GREB1: variants seen among roughly 807,000 people sequenced by gnomAD.
GREB1 encodes protein GREB1.
A neutral mutation model predicts 200.7 loss-of-function variants in GREB1; 106 were observed. The ratio of observed to expected loss-of-function variants is 0.53; its 90% CI spans 0.45 to 0.62. The LOEUF is 0.62. Ranked by LOEUF, GREB1 falls within the 20% of genes least tolerant of loss-of-function variation. GREB1 has a pLI of 0.00. For synonymous variants in GREB1, 1,132 were observed against 1,092.4 expected (o/e 1.04, Z -0.72); for missense variants, 2,243 against 2,556.8 (o/e 0.88, Z 2.65).
At chr2:11,618,120 C>G (rs887048538) in intron 21 of GREB1, among the ~76,000 whole-genome samples, 168 bp from the exon 22 acceptor site, 1 of 151,790 alleles carries the variant, frequency 6.6e-6, no homozygotes, top group African/African-American at 2.4e-5. Context: ...TGGGACGAGT[C>G]GCCCCTGAGA....
intron 1 of GREB1, among the ~76,000 whole-genome samples, chr2:11,526,681 G>A (rs189818761): frequency 5.3e-5 from 8 of 151,400 alleles, no homozygotes; most frequent in African/African-American, 1.7e-4. Flanking sequence ...TCAGCCTCTC[G>A]AGCAGCTGGG....
In GREB1 at chr2:11,610,900, C is replaced by T. The variant is rs1161072300; in HGVS notation, c.2879C>T (p.Ala960Val). The change falls in exon 18 of 33, where the codon GCG (alanine) becomes GTG (valine). Residue 960 changes from alanine (A) to valine (V), a missense_variant. Coordinates refer to ENST00000381486, the MANE Select transcript of GREB1 (RefSeq NM_014668.4). ...CTGCGGGTGCCCTGTTCGCCCCTGG[C>T]GGTGGTGGCCTATGAGCGGCTGGCC... is the stretch of plus-strand genomic sequence containing the variant. ...VLLRVPCSPL[A>V]VVAYERLAHV... is the part of the protein sequence containing the mutation. 1.2e-6 allele frequency: 2 copies of T among 1,612,846 alleles called. No homozygotes were observed. The highest frequency in any genetic ancestry group is 1.7e-5 in the Admixed American group (1 of 59,966).
At chr2:11,525,999 C>A (rs1358807053) in intron 1 of GREB1, among the ~76,000 whole-genome samples, 1 of 152,084 alleles carries the variant, frequency 6.6e-6, no homozygotes, top group Non-Finnish European at 1.5e-5. Context: ...GCTTCTAAGG[C>A]GTATTTCAGC....
rs761458400 is a variant in GREB1 at position 11,562,441 on chromosome 2, T to C, written c.158-22T>C. 3.3e-5 allele frequency: 53 copies of C among 1,610,752 alleles called. 1 individual carries two copies. In the South Asian group the frequency reaches 5.8e-4, roughly 18 times the overall value. On this transcript the variant is annotated intron_variant, in intron 2 of 32. Transcript: ENST00000381486. ...GGCCAGACAGCAGCTGCCTTGCTCA[T>C]CACTCTTCTTCCCGCATCTAGGTGG...
chr2:11,519,508 C>T (rs887030266), intron 1 of GREB1, among the ~76,000 whole-genome samples: 3 of 125,146 alleles, frequency 2.4e-5, no homozygotes, highest in East Asian at 2.5e-4. Context: ...CAGGCTGGAG[C>T]GCAATGGCAC....
intron 29 of GREB1, 112 bp downstream of exon 29, chr2:11,634,461 T>C: frequency 2.8e-6 from 2 of 724,012 alleles, no homozygotes; most frequent in Non-Finnish European, 4.7e-6. Flanking sequence ...TGACCTGGCC[T>C]TGCTCTCCGT....
intron 24 of GREB1, among the ~76,000 whole-genome samples, chr2:11,626,164 G>T (rs1026610730): frequency 4.6e-5 from 7 of 152,180 alleles, no homozygotes; most frequent in African/African-American, 1.7e-4. Flanking sequence ...TGACCCACCA[G>T]TCTCCATTTC....
At position 11,612,489 on chromosome 2, in the gene GREB1, C is replaced by A. The variant is rs1476182386; in HGVS notation, c.3007-6C>A. 1.3e-6 allele frequency: 2 copies of A among 1,594,034 alleles called. No individual in the cohort carries two copies. The highest frequency in any genetic ancestry group is 1.1e-5 in the South Asian group (1 of 90,622). ...TGTGGCTTTATTTCTTTTTCGTTATCTGCAGATGTGGCAGAAAATTGAGGA... is the reference window on the plus strand; with the variant it reads ...TGTGGCTTTATTTCTTTTTCGTTATATGCAGATGTGGCAGAAAATTGAGGA... On this transcript the variant is annotated splice_polypyrimidine_tract_variant and splice_region_variant and intron_variant, in intron 18 of 32. Transcript: ENST00000381486.
chr2:11,578,432 GT>G lies in GREB1; in HGVS notation c.772+2del. On this transcript the variant is annotated splice_donor_variant, in intron 6 of 32. Transcript: ENST00000381486. LOFTEE classifies it high-confidence loss of function. ...ATCCTGATGGGAGCTCAGCAGGCAGGTGAGGTGGTGGAGACACACCAGAGCT... is the reference window on the plus strand; with the variant it reads ...ATCCTGATGGGAGCTCAGCAGGCAGGGAGGTGGTGGAGACACACCAGAGCT... The G allele has an allele frequency of 6.2e-7, 1 of 1,613,600 alleles. No homozygotes were observed. Among genetic ancestry groups the G allele is most frequent in the Non-Finnish European group, 8.5e-7 (1 of 1,179,990 alleles).
At chr2:11,532,226 G>A (rs1674099135), upstream of GREB1, among the ~76,000 whole-genome samples, 1 of 152,146 alleles carries the variant, frequency 6.6e-6, no homozygotes, top group African/African-American at 2.4e-5. Flanking sequence ...CCCTTCATCA[G>A]TCAACACTCT....
chr2:11,530,009 G>A (rs1224084532), upstream of GREB1, among the ~76,000 whole-genome samples: 1 of 152,094 alleles, frequency 6.6e-6, no homozygotes, highest in Non-Finnish European at 1.5e-5. Context: ...TACTGAAATA[G>A]AATCTGCATT....
chr2:11,489,179 A>G (rs1394612083), intron 1 of GREB1, among the ~76,000 whole-genome samples: 1 of 152,140 alleles, frequency 6.6e-6, no homozygotes, highest in Non-Finnish European at 1.5e-5. Context: ...CCGGCCGGGC[A>G]CAGTGGCTCA....
At position 11,592,764 on chromosome 2, in the gene GREB1, A is replaced by G. The variant is rs1434732844; in HGVS notation, c.1346-12A>G. 3 of 1,483,038 alleles carry G rather than the reference A, an allele frequency of 2.0e-6. No individual in the cohort carries two copies. The highest frequency in any genetic ancestry group is 2.7e-6 in the Non-Finnish European group (3 of 1,121,616). The allele number at this position is 1,483,038 out of a possible 1,614,324, so 91.9% of individuals were successfully genotyped here. A position where few individuals can be genotyped will look rare whatever the true frequency, so the allele number is the denominator to read the frequency against. On this transcript the variant is annotated splice_polypyrimidine_tract_variant and intron_variant, in intron 10 of 32. Transcript: ENST00000381486. ...CATTTGTGGCAGGCCCTCCGCCCGC[A>G]TTGTGTTGCAGCCGCGGACCAGGTG...
chr2:11,637,652 G>A, intron 30 of GREB1, 64 bp from the exon 31 acceptor site: 1 of 1,505,836 alleles, frequency 6.6e-7, no homozygotes, highest in Non-Finnish European at 9.1e-7. Flanking sequence ...TTGCAGCCCG[G>A]AAGCCATGGG....
At chr2:11,623,720 G>A (rs1056559008) in intron 23 of GREB1, among the ~76,000 whole-genome samples, 26 of 152,138 alleles carry the variant, frequency 1.7e-4, no homozygotes, top group Non-Finnish European at 2.8e-4. Flanking sequence ...GTGAAACCTC[G>A]TCTCTACTAA....
At chr2:11,560,155 C>T (rs749882109) in intron 2 of GREB1, among the ~76,000 whole-genome samples, 10 of 152,194 alleles carry the variant, frequency 6.6e-5, no homozygotes, top group South Asian at 2.1e-4. Context: ...GATTAACCAC[C>T]TCATTTTAAA....
intron 15 of GREB1, 49 bp downstream of exon 15, chr2:11,598,909 T>A: frequency 6.8e-7 from 1 of 1,472,864 alleles, no homozygotes; most frequent in Non-Finnish European, 9.5e-7. Context: ...TTCTTTGAAG[T>A]GATGTATGTG....
At chr2:11,562,718 G>A in intron 3 of GREB1, 136 bp downstream of exon 3, 3 of 1,076,278 alleles carry the variant, frequency 2.8e-6, no homozygotes, top group Non-Finnish European at 3.9e-6. Context: ...CCTGAGGTGT[G>A]AGCCATGCCC....
chr2:11,641,652 A>G lies in GREB1; in HGVS notation c.*1198A>G, dbSNP rs1685822794. The G allele has an allele frequency of 6.6e-6, 1 of 151,508 alleles. No individual in the cohort carries two copies. The highest frequency in any genetic ancestry group is 6.6e-5 in the Admixed American group (1 of 15,220). 9.4% of individuals were successfully genotyped at this position (151,508 alleles called of 1,614,324 possible). On this transcript the variant is annotated 3_prime_UTR_variant, in exon 33 of 33. Transcript: ENST00000381486. ...AGGCGCCCACCACCACGCCCGGCTA[A>G]TTTTTTGTATTTTTTAGTAGAGACG...
Sources: allele counts gnomAD v4.1 joint callset (sites outside exome capture counted in the v4.1 genomes callset), GRCh38; gene constraint gnomAD v4.1.1; transcripts MANE v1.5; gene names NCBI Gene and HGNC (gene_info 2026-07-23, HGNC 2026-07-21).